The following CNTNAP2 variants were observed in gnomAD, a reference collection of about 807,000 sequenced individuals.
CNTNAP2 encodes the protein contactin-associated protein-like 2.
CNTNAP2 carries 98 observed loss-of-function variants against 155.2 expected under a neutral mutation model. The observed-to-expected ratio is 0.63, with a 90% CI of 0.54 to 0.75. The LOEUF is 0.75. Ranked by LOEUF, CNTNAP2 falls within the 30% of genes least tolerant of loss-of-function variation. The probability of loss-of-function intolerance (pLI) is 0.00; values close to 1 mark genes in which losing one functional copy is unlikely to be tolerated. For missense variants in CNTNAP2, 1,727 were observed against 1,688.1 expected (o/e 1.02, Z -0.40); for synonymous variants, 651 against 631.2 (o/e 1.03, Z -0.47).
At position 147,823,917 on chromosome 7, in the gene CNTNAP2, C is replaced by T. The variant is rs1584974960; in HGVS notation, c.2099-79648C>T. On this transcript the variant is annotated intron_variant, in intron 13 of 23. Coordinates refer to ENST00000361727, the MANE Select transcript of CNTNAP2 (RefSeq NM_014141.6). ...TATTTAAAAAGAAAAATAAATAAAG[C>T]AGCAAATAACTCAATATAAGAAGGC... Among the ~76,000 whole-genome samples, 3 of 152,058 alleles carry T rather than the reference C, an allele frequency of 2.0e-5. No homozygotes were observed. In the East Asian group the frequency reaches 5.8e-4, roughly 29 times the overall value.
chr7:146,593,029 C>T (rs1321423503), intron 1 of CNTNAP2, among the ~76,000 whole-genome samples: 1 of 152,016 alleles, frequency 6.6e-6, no homozygotes, highest in African/African-American at 2.4e-5. Flanking sequence ...TTATTGCTGT[C>T]AGGTACATCT....
At chr7:147,468,780 T>C (rs7782379) in intron 10 of CNTNAP2, among the ~76,000 whole-genome samples, 2,431 of 152,228 alleles carry the variant, frequency 0.016, 72 homozygotes, top group African/African-American at 0.055. Flanking sequence ...TTAAAGATTA[T>C]GTAAGAAAGT....
chr7:146,342,166 A>G (rs571612144), intron 1 of CNTNAP2, among the ~76,000 whole-genome samples: 1 of 152,266 alleles, frequency 6.6e-6, no homozygotes, highest in African/African-American at 2.4e-5. Flanking sequence ...AACTTGGAGA[A>G]TGAGTGTTCC....
chr7:146,679,474 G>C (rs1800463955), intron 1 of CNTNAP2, among the ~76,000 whole-genome samples: 1 of 148,794 alleles, frequency 6.7e-6, no homozygotes, highest in Non-Finnish European at 1.5e-5. Flanking sequence ...TCCTGCCTCA[G>C]CCTCCTGAGT....
chr7:146,866,862 G>A (rs1795214958), intron 3 of CNTNAP2, among the ~76,000 whole-genome samples: 1 of 152,080 alleles, frequency 6.6e-6, no homozygotes. Flanking sequence ...AAACAAGATA[G>A]ATGTATAATA....
In CNTNAP2 at chr7:147,343,222, C is replaced by T. The variant is rs111785417; in HGVS notation, c.1498+42932C>T. ...CTTTGCTGCTGTTATTCGTAACAGT[C>T]GAATACAGGTTACCGTGTTTTTTTC... On this transcript the variant is annotated intron_variant, in intron 9 of 23. Transcript: ENST00000361727. Among the ~76,000 whole-genome samples the T allele has an allele frequency of 2.6e-3, 402 of 152,036 alleles. 2 individuals carry two copies. The Middle Eastern group carries it at 0.031, about 12-fold the overall frequency.
At chr7:148,191,523 AAAAC>A (rs1238065092) in intron 18 of CNTNAP2, among the ~76,000 whole-genome samples, 3 of 152,218 alleles carry the variant, frequency 2.0e-5, no homozygotes, top group Non-Finnish European at 2.9e-5. Flanking sequence ...GGTGGCTTCC[AAAAC>A]AAACATTGAT....
intron 1 of CNTNAP2, among the ~76,000 whole-genome samples, chr7:146,426,967 A>T (rs990628282): frequency 3.9e-5 from 6 of 152,194 alleles, no homozygotes; most frequent in African/African-American, 1.4e-4. Context: ...CATGCTGTAC[A>T]CCATAAATAT....
At chr7:146,832,826 G>A (rs1334698719) in intron 2 of CNTNAP2, among the ~76,000 whole-genome samples, 1 of 151,864 alleles carries the variant, frequency 6.6e-6, no homozygotes, top group African/African-American at 2.4e-5. Context: ...CTCCCTACTA[G>A]CTGGGATTAC....
intron 11 of CNTNAP2, among the ~76,000 whole-genome samples, chr7:147,520,773 G>T (rs1799217473): frequency 6.6e-6 from 1 of 152,078 alleles, no homozygotes; most frequent in Non-Finnish European, 1.5e-5. Flanking sequence ...TCACTAAACT[G>T]TCCATTTCTT....
intron 1 of CNTNAP2, among the ~76,000 whole-genome samples, chr7:146,623,847 T>C (rs1394023408): frequency 6.6e-6 from 1 of 152,166 alleles, no homozygotes; most frequent in Non-Finnish European, 1.5e-5. Context: ...GTTGTGGGAA[T>C]GCAAAACGGC....
intron 14 of CNTNAP2, among the ~76,000 whole-genome samples, chr7:147,953,138 C>T (rs1347312747): frequency 1.3e-5 from 2 of 152,150 alleles, no homozygotes; most frequent in South Asian, 4.1e-4. Flanking sequence ...TCCGTTGCTA[C>T]GTGTCTTGCT....
intron 1 of CNTNAP2, among the ~76,000 whole-genome samples, chr7:146,332,295 A>G (rs934371255): frequency 6.6e-6 from 1 of 151,452 alleles, no homozygotes; most frequent in African/African-American, 2.4e-5. Context: ...TATTTATTCA[A>G]AAATAAACAT....
At chr7:146,500,576 A>T (rs1436617164) in intron 1 of CNTNAP2, among the ~76,000 whole-genome samples, 1 of 152,174 alleles carries the variant, frequency 6.6e-6, no homozygotes, top group Non-Finnish European at 1.5e-5. Flanking sequence ...GAACTCAGAT[A>T]AAACAAATGT....
At chr7:146,941,621 T>A (rs1300608367) in intron 3 of CNTNAP2, among the ~76,000 whole-genome samples, 1 of 152,162 alleles carries the variant, frequency 6.6e-6, no homozygotes. Context: ...TTAATCTTAG[T>A]GTCCTGTTCT....
chr7:146,897,223 G>T lies in CNTNAP2; in HGVS notation c.402+57319G>T, dbSNP rs546041096. Among the ~76,000 whole-genome samples, 22 of 152,122 alleles carry T rather than the reference G, an allele frequency of 1.4e-4. 1 individual carries two copies. The highest frequency in any genetic ancestry group is 3.4e-3 in the Middle Eastern group (1 of 294). ...ATACTACTCAGTGTCTATTTTACCT[G>T]TTTTCAACTTTTACGTAACTTGTCT... On this transcript the variant is annotated intron_variant, in intron 3 of 23. Coordinates refer to ENST00000361727, the MANE Select transcript of CNTNAP2 (RefSeq NM_014141.6).
chr7:146,263,187 C>T (rs556036180), intron 1 of CNTNAP2, among the ~76,000 whole-genome samples: 20 of 150,346 alleles, frequency 1.3e-4, no homozygotes, highest in South Asian at 4.2e-4. Context: ...GGCTTGGTGA[C>T]GTGCGCCTGT....
chr7:146,533,628 G>A (rs543740897), intron 1 of CNTNAP2, among the ~76,000 whole-genome samples: 10 of 152,096 alleles, frequency 6.6e-5, no homozygotes, highest in Non-Finnish European at 1.5e-4. Context: ...ATTCACTCTT[G>A]CTCCAGAGTC....
Position 147,108,266 on chromosome 7 carries a change from G to A in CNTNAP2, c.670G>A (p.Val224Ile). The A allele has an allele frequency of 2.5e-6, 4 of 1,613,818 alleles. No homozygotes were observed. The highest frequency in any genetic ancestry group is 3.4e-6 in the Non-Finnish European group (4 of 1,179,830). Residue 224 changes from valine to isoleucine, a missense_variant, in exon 5 of 24, where the codon GTA (valine) becomes ATA (isoleucine). Coordinates refer to ENST00000361727, the MANE Select transcript of CNTNAP2 (RefSeq NM_014141.6). ...LNFKTSESEGVILHGEGQQGD... is the reference protein window; with the variant it reads ...LNFKTSESEGIILHGEGQQGD... ...CTTTAAGACGTCTGAAAGTGAAGGA[G>A]TAATCCTGCACGGAGAAGGACAGCA... is the stretch of plus-strand genomic sequence containing the variant.
Sources: gnomAD v4.1 joint callset for allele counts (sites outside exome capture counted in the v4.1 genomes callset) on GRCh38, gnomAD v4.1.1 for gene constraint, MANE v1.5 for transcripts, NCBI Gene and HGNC (gene_info 2026-07-23, HGNC 2026-07-21) for gene names.